The following ARID1B variants were observed in gnomAD, a reference collection of about 807,000 sequenced individuals.
ARID1B encodes AT-rich interaction domain 1B.
In ARID1B, 30 loss-of-function variants were observed where a neutral mutation model predicts 212.3. That is an observed-to-expected ratio of 0.14 (90% CI 0.11 to 0.19). ARID1B has a LOEUF of 0.19. ARID1B is among the 10% of genes least tolerant of loss of function. The probability of loss-of-function intolerance (pLI) is 1.00; values close to 1 mark genes in which losing one functional copy is unlikely to be tolerated. For missense variants in ARID1B, 2,891 were observed against 3,204.0 expected (o/e 0.90, Z 2.36); for synonymous variants, 1,402 against 1,301.7 (o/e 1.08, Z -1.66).
chr6:156,977,072 G>A (rs1777295239), intron 4 of ARID1B: 1 of 382,344 alleles, frequency 2.6e-6, no homozygotes, highest in African/African-American at 2.2e-5. Flanking sequence ...TCTTTTTCTA[G>A]GGATGTAATA....
chr6:156,897,921 T>C (rs1016279578), intron 2 of ARID1B, among the ~76,000 whole-genome samples: 13 of 152,184 alleles, frequency 8.5e-5, no homozygotes, highest in East Asian at 3.9e-4. Flanking sequence ...ACAGTACTTA[T>C]CATTCAACAG....
At chr6:156,808,673 A>G (rs1258995836) in intron 1 of ARID1B, among the ~76,000 whole-genome samples, 1 of 152,234 alleles carries the variant, frequency 6.6e-6, no homozygotes, top group Non-Finnish European at 1.5e-5. Context: ...TTTCTAATCT[A>G]CATGCCACTA....
intron 3 of ARID1B, among the ~76,000 whole-genome samples, chr6:156,931,278 T>C (rs943153491): frequency 6.6e-6 from 1 of 152,186 alleles, no homozygotes; most frequent in African/African-American, 2.4e-5. Flanking sequence ...CTTTGACGTT[T>C]TGGTTATTCT....
intron 5 of ARID1B, among the ~76,000 whole-genome samples, chr6:157,098,936 G>GT (rs1266872870): frequency 6.6e-6 from 1 of 152,166 alleles, no homozygotes; most frequent in Non-Finnish European, 1.5e-5. Context: ...AGAATCCTCT[G>GT]TATGTAAATG....
At chr6:157,011,005 C>T (rs746845370) in intron 4 of ARID1B, among the ~76,000 whole-genome samples, 80 of 152,232 alleles carry the variant, frequency 5.3e-4, no homozygotes, top group Non-Finnish European at 8.7e-4. Flanking sequence ...CATAGTTTTT[C>T]TTTTTTTCCT....
At chr6:157,153,089 G>T (rs973573903) in intron 8 of ARID1B, among the ~76,000 whole-genome samples, 2 of 152,136 alleles carry the variant, frequency 1.3e-5, no homozygotes, top group African/African-American at 4.8e-5. Context: ...AGATAGTAGA[G>T]AGAAAAAACA....
intron 8 of ARID1B, among the ~76,000 whole-genome samples, chr6:157,159,907 TTC>T (rs1211821745): frequency 6.6e-6 from 1 of 152,276 alleles, no homozygotes; most frequent in Non-Finnish European, 1.5e-5. Flanking sequence ...TACTTAGAAG[TTC>T]TCTTTCATAA....
chr6:156,791,295 A>G (rs1372529137), intron 1 of ARID1B, among the ~76,000 whole-genome samples: 2 of 152,242 alleles, frequency 1.3e-5, no homozygotes, highest in African/African-American at 2.4e-5. Flanking sequence ...TTTGATTTGC[A>G]TATGTGGTAT....
intron 8 of ARID1B, among the ~76,000 whole-genome samples, chr6:157,158,062 A>G (rs1359652608): frequency 6.6e-6 from 1 of 152,232 alleles, no homozygotes; most frequent in Non-Finnish European, 1.5e-5. Flanking sequence ...GCACAGACAG[A>G]AACCTGTAAG....
At chr6:156,812,348 T>A (rs1013299621) in intron 1 of ARID1B, among the ~76,000 whole-genome samples, 55 of 152,156 alleles carry the variant, frequency 3.6e-4, no homozygotes, top group African/African-American at 1.3e-3. Context: ...TTTCTTTTTT[T>A]AATTATTATC....
intron 4 of ARID1B, among the ~76,000 whole-genome samples, chr6:156,993,588 T>TG (rs1222919929): frequency 2.6e-5 from 4 of 152,212 alleles, no homozygotes; most frequent in African/African-American, 4.8e-5. Context: ...TTAGATTCTC[T>TG]GAAATACTGA....
intron 2 of ARID1B, among the ~76,000 whole-genome samples, chr6:156,872,407 C>T (rs978344199): frequency 2.0e-5 from 3 of 152,126 alleles, no homozygotes; most frequent in East Asian, 3.9e-4. Flanking sequence ...CTGCGAGCTC[C>T]GTCTCCCAGG....
intron 3 of ARID1B, among the ~76,000 whole-genome samples, chr6:156,920,861 CTT>C (rs375978825): frequency 1.4e-5 from 2 of 143,978 alleles, no homozygotes; most frequent in African/African-American, 2.5e-5. Context: ...CTTTTCTTTT[CTT>C]TTTTTTTTTT....
At chr6:156,780,199 C>G (rs923821961) in intron 1 of ARID1B, 1 of 152,178 alleles carries the variant, frequency 6.6e-6, no homozygotes, top group African/African-American at 2.4e-5. Flanking sequence ...GGGCTGCTTG[C>G]AGGGAGTCAC....
chr6:157,004,890 C>CTTTT (rs1779118895), intron 4 of ARID1B, among the ~76,000 whole-genome samples: 2 of 35,688 alleles, frequency 5.6e-5, no homozygotes, highest in African/African-American at 1.3e-4. Context: ...TTTTCTTCTT[C>CTTTT]TTTTTTCTTT....
intron 2 of ARID1B, among the ~76,000 whole-genome samples, chr6:156,835,931 C>CGAG (rs34409978): frequency 0.66 from 100,656 of 151,532 alleles, 34,027 homozygotes; most frequent in African/African-American, 0.77. Flanking sequence ...TTTGTAGAGA[C>CGAG]GTCTCACCAT....
At position 156,778,963 on chromosome 6, in the gene ARID1B, CGGCGGCGGCAGCAGCAGGA is replaced by C. The variant is rs943407609; in HGVS notation, c.1293_1311del (p.Gly434AlafsTer12). ...GGAGCTGTGGCGGCGGCGGCCGCGG[CGGCGGCGGCAGCAGCAGGA>C]GGCGGCGGCGGCGGCGGCTATGGGG... On this transcript the variant is annotated frameshift_variant, in exon 1 of 20. Coordinates refer to ENST00000636930, the MANE Select transcript of ARID1B (RefSeq NM_001374828.1). LOFTEE classifies it high-confidence loss of function. 1.6e-6 allele frequency: 2 copies of C among 1,282,546 alleles called. No individual in the cohort carries two copies. The highest frequency in any genetic ancestry group is 2.0e-6 in the Non-Finnish European group (2 of 1,024,878). The allele number at this position is 1,282,546 out of a possible 1,614,324, so 79.4% of individuals were successfully genotyped here. A position where few individuals can be genotyped will look rare whatever the true frequency, so the allele number is the denominator to read the frequency against.
At chr6:157,090,617 G>C (rs911713099) in intron 5 of ARID1B, among the ~76,000 whole-genome samples, 9 of 152,204 alleles carry the variant, frequency 5.9e-5, no homozygotes, top group Non-Finnish European at 1.2e-4. Context: ...AGCTATCATA[G>C]ACAGAAACAA....
chr6:157,035,426 A>G (rs1781269193), intron 4 of ARID1B, among the ~76,000 whole-genome samples: 1 of 152,212 alleles, frequency 6.6e-6, no homozygotes. Context: ...AGAGGTTTTA[A>G]TTTAAAAAAT....
Sources: allele counts gnomAD v4.1 joint callset (sites outside exome capture counted in the v4.1 genomes callset), GRCh38; gene constraint gnomAD v4.1.1; transcripts MANE v1.5; gene names NCBI Gene and HGNC (gene_info 2026-07-23, HGNC 2026-07-21).